Variants in THSD7B observed in about 807,000 individuals in gnomAD.
The protein encoded by THSD7B is thrombospondin type 1 domain containing 7B, also known as thrombospondin type-1 domain-containing protein 7B.
A neutral mutation model predicts 213.6 loss-of-function variants in THSD7B; 138 were observed. That is an observed-to-expected ratio of 0.65 (90% CI 0.56 to 0.74). The LOEUF (loss-of-function observed/expected upper bound fraction) is 0.74. THSD7B is among the 30% of genes least tolerant of loss of function. THSD7B has a pLI of 0.00. For synonymous variants in THSD7B, 742 were observed against 687.0 expected (o/e 1.08, Z -1.25); for missense variants, 1,931 against 1,991.5 (o/e 0.97, Z 0.58).
intron 4 of THSD7B, among the ~76,000 whole-genome samples, chr2:137,109,022 C>T (rs578057438): frequency 1.1e-4 from 17 of 152,324 alleles, no homozygotes; most frequent in African/African-American, 3.1e-4. Context: ...TACTCTCTCT[C>T]ATTCCAGGTC....
chr2:137,050,483 C>T (rs1257767651), intron 2 of THSD7B, among the ~76,000 whole-genome samples: 1 of 152,156 alleles, frequency 6.6e-6, no homozygotes, highest in Non-Finnish European at 1.5e-5. Flanking sequence ...TTACAATGTG[C>T]TATTAGTGCC....
intron 17 of THSD7B, among the ~76,000 whole-genome samples, chr2:137,609,323 G>T (rs1682245136): frequency 6.6e-6 from 1 of 152,222 alleles, no homozygotes; most frequent in African/African-American, 2.4e-5. Context: ...TATGTAGGAA[G>T]ACAAGGAGTA....
At chr2:137,279,645 AT>A (rs1228796703) in intron 12 of THSD7B, among the ~76,000 whole-genome samples, 2 of 152,152 alleles carry the variant, frequency 1.3e-5, no homozygotes, top group African/African-American at 4.8e-5. Flanking sequence ...CAGGAAGGAA[AT>A]TTAGATTGGG....
chr2:136,852,257 TAG>T, intron 1 of THSD7B, among the ~76,000 whole-genome samples: 1 of 151,780 alleles, frequency 6.6e-6, no homozygotes, highest in African/African-American at 2.4e-5. Flanking sequence ...GTGGAAGAAA[TAG>T]AGACTTGTTT....
At chr2:136,933,285 C>A (rs2105050889) in intron 2 of THSD7B, among the ~76,000 whole-genome samples, 1 of 151,976 alleles carries the variant, frequency 6.6e-6, no homozygotes, top group East Asian at 1.9e-4. Flanking sequence ...TCAGAAAATT[C>A]TTAGTTTAGC....
At chr2:137,042,938 A>G (rs1335390634) in intron 2 of THSD7B, among the ~76,000 whole-genome samples, 1 of 152,230 alleles carries the variant, frequency 6.6e-6, no homozygotes, top group Non-Finnish European at 1.5e-5. Context: ...CAGGGGCTAA[A>G]AAGAGTTGAC....
At chr2:137,587,123 C>T (rs754015411) in intron 17 of THSD7B, among the ~76,000 whole-genome samples, 9 of 152,282 alleles carry the variant, frequency 5.9e-5, no homozygotes, top group East Asian at 3.9e-4. Context: ...TCCAGTTGAT[C>T]GAATCGGCTA....
At chr2:137,454,301 C>A (rs1481718851) in intron 15 of THSD7B, among the ~76,000 whole-genome samples, 1 of 152,078 alleles carries the variant, frequency 6.6e-6, no homozygotes, top group African/African-American at 2.4e-5. Flanking sequence ...ACAATAAGTC[C>A]TTTCTCTCAC....
chr2:137,100,452 T>C (rs939641346), intron 4 of THSD7B, among the ~76,000 whole-genome samples: 1 of 151,452 alleles, frequency 6.6e-6, no homozygotes, highest in Non-Finnish European at 1.5e-5. Flanking sequence ...TGGCAAAAAC[T>C]GCAATTACTT....
At chr2:136,782,960 T>C (rs1292123712) in intron 1 of THSD7B, among the ~76,000 whole-genome samples, 1 of 152,210 alleles carries the variant, frequency 6.6e-6, no homozygotes, top group Non-Finnish European at 1.5e-5. Context: ...GATCACATTA[T>C]GCTCAAATTG....
chr2:136,899,187 C>CT (rs1684019310), intron 2 of THSD7B, among the ~76,000 whole-genome samples: 1 of 152,140 alleles, frequency 6.6e-6, no homozygotes, highest in Non-Finnish European at 1.5e-5. Flanking sequence ...TAAAGAGATA[C>CT]TACTTTTCTG....
chr2:136,955,683 G>A (rs887655272), intron 2 of THSD7B, among the ~76,000 whole-genome samples: 4 of 152,208 alleles, frequency 2.6e-5, no homozygotes, highest in Admixed American at 2.6e-4. Flanking sequence ...GGATGTGAAT[G>A]TAAAAGCAGG....
chr2:137,089,245 G>GGTGTGTGTGT (rs70975799), intron 3 of THSD7B, among the ~76,000 whole-genome samples: 1 of 126,722 alleles, frequency 7.9e-6, no homozygotes, highest in African/African-American at 3.3e-5. Flanking sequence ...TAAAGAAAGT[G>GGTGTGTGTGT]GTGTGTGTGT....
chr2:136,946,222 C>G (rs1684934091), intron 2 of THSD7B, among the ~76,000 whole-genome samples: 1 of 152,180 alleles, frequency 6.6e-6, no homozygotes, highest in Non-Finnish European at 1.5e-5. Flanking sequence ...TCAGGTCCCT[C>G]AGCTGCAGGT....
At chr2:136,894,954 C>A (rs992743477) in intron 2 of THSD7B, among the ~76,000 whole-genome samples, 3 of 152,032 alleles carry the variant, frequency 2.0e-5, no homozygotes, top group Non-Finnish European at 2.9e-5. Context: ...GGATTCTATC[C>A]AAAGCAATTA....
intron 12 of THSD7B, among the ~76,000 whole-genome samples, chr2:137,361,177 A>G (rs1035815689): frequency 2.0e-5 from 3 of 151,824 alleles, no homozygotes; most frequent in Non-Finnish European, 4.4e-5. Flanking sequence ...AGAAAGGAAT[A>G]GCATCCACAT....
chr2:136,946,556 C>A (rs2082119), intron 2 of THSD7B, among the ~76,000 whole-genome samples: 11,260 of 152,268 alleles, frequency 0.074, 672 homozygotes, highest in African/African-American at 0.16. Flanking sequence ...GAAGTTTCTG[C>A]TGCCTTTTGT....
chr2:137,588,343 G>A (rs1008323823), intron 17 of THSD7B, among the ~76,000 whole-genome samples: 3 of 152,092 alleles, frequency 2.0e-5, no homozygotes. Context: ...CCACCGTCCT[G>A]CACCCATTGT....
chr2:137,089,381 C>CA (rs1687908056), intron 3 of THSD7B, among the ~76,000 whole-genome samples: 4 of 96,754 alleles, frequency 4.1e-5, no homozygotes, highest in African/African-American at 1.6e-4. Context: ...TGTATATATA[C>CA]TAGTGTGTAT....
Sources: gnomAD v4.1 joint callset for allele counts (sites outside exome capture counted in the v4.1 genomes callset) on GRCh38, gnomAD v4.1.1 for gene constraint, MANE v1.5 for transcripts, NCBI Gene and HGNC (gene_info 2026-07-23, HGNC 2026-07-21) for gene names.